OTUD4: variants seen among roughly 807,000 people sequenced by gnomAD.
OTUD4 encodes the protein OTU domain-containing protein 4.
A neutral mutation model predicts 130.4 loss-of-function variants in OTUD4; 24 were observed. That is an observed-to-expected ratio of 0.18 (90% confidence interval 0.13 to 0.26). The LOEUF (loss-of-function observed/expected upper bound fraction) is 0.26, where lower values mean the gene tolerates loss of function less well. Ranked by LOEUF, OTUD4 falls within the 10% of genes least tolerant of loss-of-function variation. The pLI, the probability that OTUD4 is intolerant of heterozygous loss-of-function variation, is 1.00. For synonymous variants in OTUD4, 420 were observed against 472.5 expected (o/e 0.89, Z 1.44); for missense variants, 1,031 against 1,329.4 (o/e 0.78, Z 3.49).
At chr4:145,145,155 C>G (rs1351948491) in intron 14 of OTUD4, among the ~76,000 whole-genome samples, 1 of 152,170 alleles carries the variant, frequency 6.6e-6, no homozygotes, top group Non-Finnish European at 1.5e-5. Context: ...TCTGTACCCA[C>G]ATTACAGTAG....
In OTUD4 at chr4:145,152,621, G is replaced by A. The variant is rs1211748234; in HGVS notation, c.888C>T (p.His296=). The A allele has an allele frequency of 6.2e-7, 1 of 1,606,056 alleles. No individual in the cohort carries two copies. The highest frequency in any genetic ancestry group is 1.1e-5 in the South Asian group (1 of 90,644). ...CATCTGCATTCAAAAATTTTCCATT[G>A]TGATCCAACCTAACCTGTTAAAAAT... The part of the protein sequence containing the change: ...VGDKCQVRLD[H]NGKFLNADVQ... The change falls in exon 11 of 21, where the codon CAC becomes CAT. Residue 296 remains histidine (H), a synonymous_variant. Transcript: ENST00000447906.
intron 14 of OTUD4, among the ~76,000 whole-genome samples, chr4:145,144,707 A>C (rs187189586): frequency 6.6e-6 from 1 of 152,250 alleles, no homozygotes; most frequent in African/African-American, 2.4e-5. Flanking sequence ...TCAGGAAGCC[A>C]CCCTGAACAA....
rs1217991560 is a variant in OTUD4 at position 145,134,591 on chromosome 4, G to A, written c.*2839C>T. ...AGTCTGCATTAAATAAGATATATCA[G>A]CATTGTGGTCTGGGAAAACCTATGC... On this transcript the variant is annotated 3_prime_UTR_variant, in exon 21 of 21. Transcript: ENST00000447906. The A allele has an allele frequency of 5.0e-6, 2 of 397,522 alleles. No homozygotes were observed. The highest frequency in any genetic ancestry group is 2.1e-5 in the African/African-American group (1 of 48,600). 24.6% of individuals were successfully genotyped at this position (397,522 alleles called of 1,614,324 possible).
At chr4:145,141,326 C>G (rs1750552859) in intron 19 of OTUD4, 53 bp downstream of exon 19, 1 of 1,486,952 alleles carries the variant, frequency 6.7e-7, no homozygotes, top group Non-Finnish European at 9.0e-7. Context: ...CATTTCTTAA[C>G]TAAGCTTATT....
chr4:145,146,795 G>T (rs1750850038), intron 13 of OTUD4, among the ~76,000 whole-genome samples: 1 of 152,130 alleles, frequency 6.6e-6, no homozygotes, highest in Admixed American at 6.6e-5. Flanking sequence ...TTTTCATTAA[G>T]AATTAATTCT....
intron 3 of OTUD4, 53 bp downstream of exon 3, chr4:145,171,617 A>C (rs531733286): frequency 1.3e-6 from 1 of 785,694 alleles, no homozygotes; most frequent in African/African-American, 1.8e-5. Context: ...TGAATTTTAA[A>C]TACATTATTT....
At chr4:145,160,876 G>A (rs1245838163) in intron 6 of OTUD4, among the ~76,000 whole-genome samples, 2 of 151,984 alleles carry the variant, frequency 1.3e-5, no homozygotes, top group Non-Finnish European at 2.9e-5. Context: ...TTGGGAGGCT[G>A]AGGTAGGCGG....
rs1381975312 is a variant in OTUD4 at position 145,134,598 on chromosome 4, G to T, written c.*2832C>A. On this transcript the variant is annotated 3_prime_UTR_variant, in exon 21 of 21. Transcript: ENST00000447906. ...ATTAAATAAGATATATCAGCATTGT[G>T]GTCTGGGAAAACCTATGCTTGCCAG... The T allele has an allele frequency of 7.5e-6, 3 of 397,666 alleles. No homozygotes were observed. The highest frequency in any genetic ancestry group is 6.2e-5 in the African/African-American group (3 of 48,596). The allele number at this position is 397,666 out of a possible 1,614,324, so 24.6% of individuals were successfully genotyped here.
intron 5 of OTUD4, among the ~76,000 whole-genome samples, chr4:145,163,893 A>G (rs960059130): frequency 6.6e-6 from 1 of 151,906 alleles, no homozygotes; most frequent in Non-Finnish European, 1.5e-5. Flanking sequence ...TTTTCAGTAG[A>G]GACAGGGTTT....
At chr4:145,159,326 T>C (rs763911416) in intron 7 of OTUD4, 177 bp downstream of exon 7, 41 of 1,431,706 alleles carry the variant, frequency 2.9e-5, no homozygotes, top group African/African-American at 2.7e-4. Context: ...AGTCCCATAA[T>C]AGAAATTAGG....
Position 145,180,302 on chromosome 4 carries a change from C to T in OTUD4, c.-329G>A, listed in dbSNP as rs934920554. 2 of 152,948 alleles carry T rather than the reference C, an allele frequency of 1.3e-5. No individual in the cohort carries two copies. The highest frequency in any genetic ancestry group is 2.9e-5 in the Non-Finnish European group (2 of 68,584). The allele number at this position is 152,948 out of a possible 1,614,324, so 9.5% of individuals were successfully genotyped here. On this transcript the variant is annotated 5_prime_UTR_variant, in exon 1 of 21. Transcript: ENST00000447906. ...TCGCTGCCTGACTCAGGACCCAGGC[C>T]GGGGGTCGCCGCCCCCACAAGTTTC... is the stretch of plus-strand genomic sequence containing the variant.
intron 7 of OTUD4, chr4:145,159,237 C>G: frequency 8.1e-7 from 1 of 1,240,910 alleles, no homozygotes; most frequent in Non-Finnish European, 1.0e-6. Flanking sequence ...TAGGTAGGAC[C>G]AAATTTATTC....
rs777152210 is a variant in OTUD4, at chr4:145,137,947, G to A, written c.2828C>T (p.Thr943Ile). 1 of 1,614,168 alleles carries A rather than the reference G, an allele frequency of 6.2e-7. No homozygotes were observed. Among genetic ancestry groups the A allele is most frequent in the Non-Finnish European group, 8.5e-7 (1 of 1,180,042 alleles). Residue 943 changes from threonine (T) to isoleucine (I), a missense_variant, in exon 21 of 21, where the codon ACA (threonine) becomes ATA (isoleucine). Thr to Ile is a moderately conservative substitution (Grantham distance 89). Coordinates refer to ENST00000447906, the MANE Select transcript of OTUD4 (RefSeq NM_001366057.1). ...DEGRTEQSSQ[T>I]RKADTALASI... is the part of the protein sequence containing the mutation. The stretch of plus-strand genomic sequence containing the variant: ...AGCCAATGCCGTATCTGCCTTTCGT[G>A]TCTGGGAAGATTGCTCTGTCCGGCC...
rs771861882 is a variant in OTUD4, at chr4:145,150,915, G to C, written c.969-10C>G. The C allele has an allele frequency of 3.2e-6, 5 of 1,578,048 alleles. No homozygotes were observed. Among genetic ancestry groups the C allele is most frequent in the Non-Finnish European group, 4.3e-6 (5 of 1,152,778 alleles). On this transcript the variant is annotated splice_polypyrimidine_tract_variant and intron_variant, in intron 11 of 20. Transcript: ENST00000447906. ...GTTCTTTGATGTGTGCCTTCAAAGG[G>C]GAAAAGACTTGTGATAGCTTAAAAT...
intron 1 of OTUD4, chr4:145,179,518 C>T: frequency 1.1e-6 from 1 of 881,490 alleles, no homozygotes; most frequent in Non-Finnish European, 1.5e-6. Flanking sequence ...GCCAGGTCCC[C>T]AGCAATAAAT....
intron 7 of OTUD4, among the ~76,000 whole-genome samples, chr4:145,156,969 A>C (rs747645671): frequency 4.6e-5 from 7 of 152,158 alleles, no homozygotes; most frequent in Non-Finnish European, 7.3e-5. Context: ...CCAGCTTTTC[A>C]TATAAACAGA....
At chr4:145,138,714 T>A (rs776637788) in intron 20 of OTUD4, 64 bp from the exon 21 acceptor site, 34 of 1,448,258 alleles carry the variant, frequency 2.3e-5, no homozygotes, top group Non-Finnish European at 3.2e-5. Flanking sequence ...TGGGTGGATA[T>A]CAATCTACAA....
chr4:145,148,739 G>A (rs942809428), intron 13 of OTUD4, among the ~76,000 whole-genome samples: 2 of 152,048 alleles, frequency 1.3e-5, no homozygotes, highest in African/African-American at 4.8e-5. Flanking sequence ...TGCTTTTTCT[G>A]TCAAAAAATG....
intron 3 of OTUD4, among the ~76,000 whole-genome samples, chr4:145,169,533 G>A (rs1752048650): frequency 6.6e-6 from 1 of 152,156 alleles, no homozygotes; most frequent in African/African-American, 2.4e-5. Flanking sequence ...TGCCCAGGCT[G>A]GAGTGCAGCG....
Sources: gnomAD v4.1 joint callset for allele counts (sites outside exome capture counted in the v4.1 genomes callset) on GRCh38, gnomAD v4.1.1 for gene constraint, MANE v1.5 for transcripts, NCBI Gene and HGNC (gene_info 2026-07-23, HGNC 2026-07-21) for gene names.